KCNIP4: variants seen among roughly 807,000 people sequenced by gnomAD.
The protein encoded by KCNIP4 is potassium voltage-gated channel interacting protein 4, also known as Kv channel-interacting protein 4.
A neutral mutation model predicts 34.0 loss-of-function variants in KCNIP4; 12 were observed. That is an observed-to-expected ratio of 0.35 (90% CI 0.23 to 0.57). KCNIP4 has a LOEUF of 0.57. Ranked by LOEUF, KCNIP4 falls within the 20% of genes least tolerant of loss-of-function variation. KCNIP4 has a pLI of 0.83. For synonymous variants in KCNIP4, 124 were observed against 102.2 expected, an observed-to-expected ratio of 1.21 and a Z score of -1.29; for missense variants, 238 against 311.7, an observed-to-expected ratio of 0.76 and a Z score of 1.78.
chr4:21,112,958 G>A (rs1049602490), intron 1 of KCNIP4, among the ~76,000 whole-genome samples: 8 of 151,900 alleles, frequency 5.3e-5, no homozygotes, highest in East Asian at 3.9e-4. Context: ...GATTGTATTC[G>A]CTTTCTAGTT....
intron 1 of KCNIP4, among the ~76,000 whole-genome samples, chr4:21,477,954 T>C (rs187597805): frequency 6.6e-6 from 1 of 152,286 alleles, no homozygotes; most frequent in African/African-American, 2.4e-5. Flanking sequence ...GAAACGTTGT[T>C]ATAAAACAAA....
chr4:21,182,689 T>C (rs1258988198), intron 1 of KCNIP4, among the ~76,000 whole-genome samples: 1 of 152,100 alleles, frequency 6.6e-6, no homozygotes, highest in African/African-American at 2.4e-5. Context: ...TGTGTACACA[T>C]TATTTTCAAC....
At chr4:21,774,113 T>G (rs1719014510) in intron 1 of KCNIP4, among the ~76,000 whole-genome samples, 1 of 152,084 alleles carries the variant, frequency 6.6e-6, no homozygotes, top group Non-Finnish European at 1.5e-5. Flanking sequence ...TTTCAAAAGC[T>G]CAAGCAGAGC....
rs11932019 is a variant in KCNIP4, at chr4:21,665,464, C to T, written c.61+283107G>A. 3.3e-3 allele frequency among the ~76,000 whole-genome samples: 496 copies of T among 151,890 alleles called. 3 individuals are homozygous for T. The highest frequency in any genetic ancestry group is 0.011 in the African/African-American group (471 of 41,408). ...AGTAATTGCCAACTTAAAAAGAAGT[C>T]AGGAAAAGCTGAGGAATGGTTACTA... On this transcript the variant is annotated intron_variant, in intron 1 of 8. Transcript: ENST00000382152.
At chr4:21,239,116 C>A (rs1228479976) in intron 1 of KCNIP4, among the ~76,000 whole-genome samples, 11 of 151,778 alleles carry the variant, frequency 7.2e-5, no homozygotes, top group Admixed American at 3.3e-4. Flanking sequence ...CAAAAACAAG[C>A]AATGGGGAAA....
chr4:20,846,136 C>T (rs768085373), intron 3 of KCNIP4, among the ~76,000 whole-genome samples: 9 of 152,072 alleles, frequency 5.9e-5, no homozygotes, highest in Non-Finnish European at 1.0e-4. Flanking sequence ...TAAAGTGATG[C>T]CTTAATGATA....
rs559034359 is a variant in KCNIP4 at position 21,068,602 on chromosome 4, A to G, written c.62-185893T>C. ...TGTGGAATACTTTCTCTCTCTCTGC[A>G]TATTTACATGGCTGTCCTTTTCTTG... On this transcript the variant is annotated intron_variant, in intron 1 of 8. Transcript: ENST00000382152. 2.6e-5 allele frequency among the ~76,000 whole-genome samples: 4 copies of G among 152,230 alleles called. No individual in the cohort carries two copies. In the East Asian group the frequency reaches 5.8e-4, roughly 22 times the overall value.
intron 1 of KCNIP4, among the ~76,000 whole-genome samples, chr4:21,166,396 T>A (rs1055830949): frequency 2.6e-5 from 4 of 152,300 alleles, no homozygotes; most frequent in African/African-American, 9.6e-5. Flanking sequence ...ACTAAGTTAA[T>A]ATTCTGATCA....
intron 1 of KCNIP4, among the ~76,000 whole-genome samples, chr4:20,916,110 A>C (rs906337804): frequency 6.6e-6 from 1 of 152,210 alleles, no homozygotes; most frequent in Non-Finnish European, 1.5e-5. Context: ...TCAATTTTCC[A>C]TGTTCCTCTA....
At chr4:20,910,698 GGTTATCCATCCCCATGTTA>G (rs1728243727) in intron 1 of KCNIP4, among the ~76,000 whole-genome samples, 1 of 152,128 alleles carries the variant, frequency 6.6e-6, no homozygotes. Flanking sequence ...GTCTTACCAA[GGTTATCCATCCCCATGTTA>G]AACTCTGTTC....
At chr4:21,247,766 C>A (rs1760363774) in intron 1 of KCNIP4, among the ~76,000 whole-genome samples, 3 of 57,802 alleles carry the variant, frequency 5.2e-5, no homozygotes, top group East Asian at 3.5e-4. Flanking sequence ...ATATACACCC[C>A]ACAGGTGTTT....
At chr4:20,886,578 G>A (rs1395928428) in intron 1 of KCNIP4, among the ~76,000 whole-genome samples, 1 of 152,180 alleles carries the variant, frequency 6.6e-6, no homozygotes, top group African/African-American at 2.4e-5. Flanking sequence ...ACATAGAGCT[G>A]GAATGCTGCA....
chr4:21,645,211 T>A (rs1746922745), intron 1 of KCNIP4, among the ~76,000 whole-genome samples: 3 of 152,132 alleles, frequency 2.0e-5, no homozygotes, highest in Admixed American at 2.0e-4. Context: ...GACAACCATA[T>A]GAGTTGTACC....
intron 1 of KCNIP4, among the ~76,000 whole-genome samples, chr4:21,677,618 A>T (rs897069980): frequency 3.9e-5 from 6 of 152,146 alleles, no homozygotes; most frequent in African/African-American, 1.4e-4. Flanking sequence ...TATGCATGCC[A>T]ATGCCATGAC....
intron 1 of KCNIP4, among the ~76,000 whole-genome samples, chr4:21,120,968 T>A (rs1468480239): frequency 2.0e-5 from 3 of 152,186 alleles, no homozygotes; most frequent in Non-Finnish European, 4.4e-5. Context: ...ATTCAGCCCA[T>A]AACAGCTTGC....
chr4:21,671,656 G>A (rs1429904274), intron 1 of KCNIP4, among the ~76,000 whole-genome samples: 1 of 152,092 alleles, frequency 6.6e-6, no homozygotes, highest in African/African-American at 2.4e-5. Context: ...ATTGATTGAT[G>A]GAGCCCCTAT....
intron 1 of KCNIP4, among the ~76,000 whole-genome samples, chr4:21,783,400 AG>A (rs1719697224): frequency 6.6e-6 from 1 of 152,214 alleles, no homozygotes; most frequent in Non-Finnish European, 1.5e-5. Flanking sequence ...TCAAAAAAAA[AG>A]TTTTCAACAG....
At chr4:21,586,589 G>T (rs1346330723) in intron 1 of KCNIP4, among the ~76,000 whole-genome samples, 2 of 151,994 alleles carry the variant, frequency 1.3e-5, no homozygotes, top group Non-Finnish European at 2.9e-5. Flanking sequence ...AAAGCTCCAA[G>T]ATTTAAGATC....
chr4:21,920,873 C>CTTTTTTTTTTT (rs1728899285), intron 1 of KCNIP4, among the ~76,000 whole-genome samples: 1 of 151,636 alleles, frequency 6.6e-6, no homozygotes, highest in African/African-American at 2.4e-5. Flanking sequence ...TGTACATTTT[C>CTTTTTTTTTTT]TTTGTTTGCT....
Sources: allele counts gnomAD v4.1 joint callset (sites outside exome capture counted in the v4.1 genomes callset), GRCh38; gene constraint gnomAD v4.1.1; transcripts MANE v1.5; gene names NCBI Gene and HGNC (gene_info 2026-07-23, HGNC 2026-07-21).